SNAP23: variants seen among roughly 807,000 people sequenced by gnomAD.
SNAP23 encodes synaptosomal-associated protein 23.
Under a neutral mutation model 29.0 loss-of-function variants are expected in SNAP23, and 11 were observed. The ratio of observed to expected loss-of-function variants is 0.38; its 90% CI spans 0.24 to 0.63. SNAP23 has a LOEUF of 0.63. Ranked by LOEUF, SNAP23 falls within the 20% of genes least tolerant of loss-of-function variation. The probability of loss-of-function intolerance (pLI) is 0.58; values close to 1 mark genes in which losing one functional copy is unlikely to be tolerated. For synonymous variants in SNAP23, 60 were observed against 82.9 expected, an observed-to-expected ratio of 0.72 and a Z score of 1.50; for missense variants, 220 against 253.9, an observed-to-expected ratio of 0.87 and a Z score of 0.91.
At chr15:42,499,550 T>A (rs2057251361) in intron 1 of SNAP23, among the ~76,000 whole-genome samples, 1 of 152,188 alleles carries the variant, frequency 6.6e-6, no homozygotes, top group South Asian at 2.1e-4. Context: ...ATGGGTTTTT[T>A]AAAAAAACAT....
intron 7 of SNAP23, among the ~76,000 whole-genome samples, chr15:42,530,854 A>G (rs2057558569): frequency 1.3e-5 from 2 of 152,242 alleles, no homozygotes; most frequent in African/African-American, 2.4e-5. Context: ...GATGGATTTA[A>G]TTGAAACAGT....
In SNAP23 at chr15:42,529,731, G is replaced by A; in HGVS notation, c.482G>A (p.Ser161Asn). 2 of 1,614,088 alleles carry A rather than the reference G, an allele frequency of 1.2e-6. No homozygotes were observed. The highest frequency in any genetic ancestry group is 1.7e-6 in the Non-Finnish European group (2 of 1,179,974). ...GAAGAGAACCTGACTCAAGTGGGCA[G>A]TATCCTGGGAAATCTAAAAGACATG... ...EMEENLTQVG[S>N]ILGNLKDMAL... is the part of the protein sequence containing the mutation. Residue 161 changes from serine (S) to asparagine (N), a missense_variant, in exon 7 of 8, where the codon AGT becomes AAT. Transcript: ENST00000249647.
chr15:42,527,439 G>A (rs888385115), intron 5 of SNAP23, among the ~76,000 whole-genome samples: 1 of 152,050 alleles, frequency 6.6e-6, no homozygotes. Flanking sequence ...AGGCTGGAGT[G>A]CAGTGGCACT....
At chr15:42,498,738 G>T (rs1171923205) in intron 1 of SNAP23, among the ~76,000 whole-genome samples, 1 of 152,188 alleles carries the variant, frequency 6.6e-6, no homozygotes, top group Non-Finnish European at 1.5e-5. Flanking sequence ...GTGATCCAGT[G>T]ATCTGAGTGA....
chr15:42,523,093 G>A (rs552777855), intron 5 of SNAP23, among the ~76,000 whole-genome samples: 10 of 150,166 alleles, frequency 6.7e-5, no homozygotes, highest in African/African-American at 9.8e-5. Context: ...TAATTCACCC[G>A]CCTTGGCCTC....
intron 5 of SNAP23, among the ~76,000 whole-genome samples, chr15:42,518,996 G>A (rs1367108980): frequency 6.6e-6 from 1 of 151,890 alleles, no homozygotes; most frequent in East Asian, 1.9e-4. Flanking sequence ...ATGAGTAGCT[G>A]GGACTACAGG....
chr15:42,493,587 C>T (rs144997651), upstream of SNAP23, among the ~76,000 whole-genome samples: 176 of 152,160 alleles, frequency 1.2e-3, 1 homozygote, highest in African/African-American at 8.2e-4. Flanking sequence ...TACATTTTCT[C>T]CACCTCTGCC....
chr15:42,505,660 A>G (rs1253555316), intron 1 of SNAP23: 1 of 145,488 alleles, frequency 6.9e-6, no homozygotes, highest in East Asian at 2.0e-4. Flanking sequence ...GGTTCAATCA[A>G]CTCTCCTGTC....
chr15:42,525,411 C>T (rs1479407955), intron 5 of SNAP23, among the ~76,000 whole-genome samples: 1 of 141,200 alleles, frequency 7.1e-6, no homozygotes, highest in Non-Finnish European at 1.5e-5. Context: ...TGTGTCTTTT[C>T]CCCTTGTTAC....
intron 1 of SNAP23, among the ~76,000 whole-genome samples, chr15:42,497,026 C>CCTTT (rs1298514823): frequency 1.9e-4 from 29 of 150,178 alleles, no homozygotes; most frequent in African/African-American, 4.2e-4. Flanking sequence ...GCCCCTGGCC[C>CCTTT]CTTTCTTTCT....
chr15:42,515,689 A>G (rs1187960771), intron 5 of SNAP23, among the ~76,000 whole-genome samples: 1 of 152,240 alleles, frequency 6.6e-6, no homozygotes, highest in African/African-American at 2.4e-5. Flanking sequence ...TTAACAAAAT[A>G]TATATTTTGT....
rs577797355 is a variant in SNAP23 at position 42,502,752 on chromosome 15, G to A, written c.-15+7039G>A. On this transcript the variant is annotated intron_variant, in intron 1 of 7. Transcript: ENST00000249647. ...CCCGTTCTTATCTTTCACATAGAACGTCCCCTTTCTGTTCACATAACCATT... is the reference window on the plus strand; with the variant it reads ...CCCGTTCTTATCTTTCACATAGAACATCCCCTTTCTGTTCACATAACCATT... Among the ~76,000 whole-genome samples, 136 of 152,194 alleles carry A rather than the reference G, an allele frequency of 8.9e-4. 1 individual carries two copies. Among genetic ancestry groups the A allele is most frequent in the African/African-American group, 3.1e-3 (129 of 41,520 alleles).
At chr15:42,501,785 T>C (rs2057272778) in intron 1 of SNAP23, among the ~76,000 whole-genome samples, 1 of 152,186 alleles carries the variant, frequency 6.6e-6, no homozygotes, top group African/African-American at 2.4e-5. Context: ...TGCCAGGCAC[T>C]GCTCTAAATA....
chr15:42,515,505 G>A (rs1050529110), intron 5 of SNAP23, 151 bp downstream of exon 5: 29 of 578,528 alleles, frequency 5.0e-5, no homozygotes, highest in Non-Finnish European at 8.6e-5. Context: ...TAAGCTTTTT[G>A]TGTAAATACT....
Position 42,529,750 on chromosome 15 carries a change from A to G in SNAP23, c.501A>G (p.Lys167=), listed in dbSNP as rs2057543914. 2.5e-6 allele frequency: 4 copies of G among 1,614,160 alleles called. No individual in the cohort carries two copies. Among genetic ancestry groups the G allele is most frequent in the Non-Finnish European group, 3.4e-6 (4 of 1,180,002 alleles). Residue 167 remains lysine (K), a synonymous_variant, in exon 7 of 8, where the codon AAA becomes AAG. Coordinates refer to ENST00000249647, the MANE Select transcript of SNAP23 (RefSeq NM_003825.4). ...TGGGCAGTATCCTGGGAAATCTAAA[A>G]GACATGGCCCTGAACATAGGCAATG... ...TQVGSILGNL[K]DMALNIGNEI... is the part of the protein sequence containing the mutation.
chr15:42,530,690 CA>C (rs1290543898), intron 7 of SNAP23, among the ~76,000 whole-genome samples: 2 of 152,138 alleles, frequency 1.3e-5, no homozygotes, highest in Non-Finnish European at 2.9e-5. Context: ...TTGAAGGCTG[CA>C]GTGAGCTGTG....
chr15:42,513,782 T>G (rs544600293), intron 4 of SNAP23, among the ~76,000 whole-genome samples: 68 of 151,866 alleles, frequency 4.5e-4, no homozygotes, highest in Middle Eastern at 3.4e-3. Context: ...TTCTTTTTTT[T>G]TGGGGTGGGG....
intron 1 of SNAP23, among the ~76,000 whole-genome samples, chr15:42,500,254 A>G (rs1288067449): frequency 1.5e-5 from 2 of 134,748 alleles, no homozygotes; most frequent in Admixed American, 1.8e-4. Context: ...CACATTGTGT[A>G]TATATTAGCA....
chr15:42,530,282 T>C (rs1471051746), intron 7 of SNAP23, among the ~76,000 whole-genome samples: 1 of 152,184 alleles, frequency 6.6e-6, no homozygotes, highest in African/African-American at 2.4e-5. Flanking sequence ...TCCTGAATCC[T>C]CATCTCATGA....
Sources: allele counts gnomAD v4.1 joint callset (sites outside exome capture counted in the v4.1 genomes callset), GRCh38; gene constraint gnomAD v4.1.1; transcripts MANE v1.5; gene names NCBI Gene and HGNC (gene_info 2026-07-23, HGNC 2026-07-21).